NOL4: variants seen among roughly 807,000 people sequenced by gnomAD.
The protein encoded by NOL4 is nucleolar protein 4, also known as cancer/testis antigen 125.
NOL4 carries 17 observed loss-of-function variants against 75.9 expected under a neutral mutation model. The observed-to-expected ratio is 0.22, with a 90% CI of 0.15 to 0.34. NOL4 has a LOEUF of 0.34. Among genes scored for constraint, NOL4 ranks in the 10% least tolerant of loss-of-function variants. The probability of loss-of-function intolerance (pLI) is 1.00; values close to 1 mark genes in which losing one functional copy is unlikely to be tolerated. For synonymous variants in NOL4, 292 were observed against 289.9 expected (o/e 1.01, Z -0.07); for missense variants, 614 against 793.5 (o/e 0.77, Z 2.72).
chr18:33,918,057 T>C (rs776540462), intron 9 of NOL4, among the ~76,000 whole-genome samples: 14 of 152,232 alleles, frequency 9.2e-5, no homozygotes, highest in Non-Finnish European at 2.1e-4. Context: ...AAATTAAACG[T>C]ATCTTTGCTA....
chr18:34,088,622 G>A (rs144970475), intron 5 of NOL4, among the ~76,000 whole-genome samples: 3 of 152,090 alleles, frequency 2.0e-5, no homozygotes, highest in Non-Finnish European at 4.4e-5. Context: ...ACACCTTCAA[G>A]GTGTTTTGCT....
chr18:34,086,125 G>A (rs886478731), intron 5 of NOL4, among the ~76,000 whole-genome samples: 2 of 152,008 alleles, frequency 1.3e-5, no homozygotes, highest in African/African-American at 4.8e-5. Context: ...ATGTGAATTA[G>A]GTTTAATAAT....
At chr18:33,887,418 G>GTT (rs1318544518) in intron 9 of NOL4, among the ~76,000 whole-genome samples, 1 of 138,296 alleles carries the variant, frequency 7.2e-6, no homozygotes. Flanking sequence ...AAGAAGGTGA[G>GTT]TTTTTTTTTT....
In NOL4 at chr18:34,125,676, G is replaced by A. The variant is rs370311549; in HGVS notation, c.414+4195C>T. ...TTAATGTTCGGAGTAAGGCTGTAGA[G>A]ATTCTACATGAATATGTTACTATTC... On this transcript the variant is annotated intron_variant, in intron 2 of 10. Transcript: ENST00000261592. 4.6e-5 allele frequency among the ~76,000 whole-genome samples: 7 copies of A among 152,206 alleles called. No homozygotes were observed. In the East Asian group the frequency reaches 1.4e-3, roughly 29 times the overall value.
chr18:33,918,964 C>T (rs549587815), intron 9 of NOL4, among the ~76,000 whole-genome samples: 69 of 151,978 alleles, frequency 4.5e-4, no homozygotes, highest in African/African-American at 1.5e-3. Context: ...AGATTAGTAT[C>T]TATTAGTAAT....
intron 6 of NOL4, among the ~76,000 whole-genome samples, chr18:34,009,397 T>G (rs1448192574): frequency 1.3e-5 from 2 of 151,946 alleles, no homozygotes; most frequent in East Asian, 3.9e-4. Flanking sequence ...CAGTAAGAAT[T>G]TTTTAGGCTA....
At chr18:34,210,568 C>A (rs1252114537) in intron 1 of NOL4, among the ~76,000 whole-genome samples, 3 of 152,160 alleles carry the variant, frequency 2.0e-5, no homozygotes, top group Non-Finnish European at 4.4e-5. Flanking sequence ...TATGAGTGAG[C>A]CTGTCCATGC....
intron 5 of NOL4, among the ~76,000 whole-genome samples, chr18:34,028,662 A>C (rs536447244): frequency 6.6e-6 from 1 of 152,362 alleles, no homozygotes; most frequent in African/African-American, 2.4e-5. Context: ...GCCAATGACC[A>C]CATCAAAACC....
intron 1 of NOL4, among the ~76,000 whole-genome samples, chr18:34,214,591 AATT>A (rs1469435039): frequency 6.6e-6 from 1 of 152,120 alleles, no homozygotes; most frequent in Non-Finnish European, 1.5e-5. Context: ...TTTTGTTTCA[AATT>A]ATTATTATTA....
At chr18:33,869,919 T>C (rs2063613418) in intron 10 of NOL4, among the ~76,000 whole-genome samples, 1 of 152,094 alleles carries the variant, frequency 6.6e-6, no homozygotes, top group African/African-American at 2.4e-5. Flanking sequence ...CTAGACAGCA[T>C]AATTTCTTGT....
intron 10 of NOL4, among the ~76,000 whole-genome samples, chr18:33,882,325 C>G (rs1328844934): frequency 5.9e-5 from 9 of 152,026 alleles, no homozygotes; most frequent in Admixed American, 5.9e-4. Context: ...GGGCTAATAT[C>G]CAGAATCTAC....
intron 10 of NOL4, among the ~76,000 whole-genome samples, chr18:33,863,798 CCCAAATT>C (rs1418083024): frequency 6.6e-6 from 1 of 152,148 alleles, no homozygotes; most frequent in Non-Finnish European, 1.5e-5. Flanking sequence ...GGACTCCAAT[CCCAAATT>C]TCCCTTCCAC....
At chr18:33,869,180 A>G (rs2144452268) in intron 10 of NOL4, among the ~76,000 whole-genome samples, 1 of 152,040 alleles carries the variant, frequency 6.6e-6, no homozygotes, top group South Asian at 2.1e-4. Context: ...ATATTTATAT[A>G]GAATACTATA....
chr18:34,208,857 A>G (rs1359712828), intron 1 of NOL4, among the ~76,000 whole-genome samples: 1 of 151,632 alleles, frequency 6.6e-6, no homozygotes, highest in Non-Finnish European at 1.5e-5. Context: ...GCAAGACTCC[A>G]TCTCGAAAAA....
intron 1 of NOL4, among the ~76,000 whole-genome samples, chr18:34,168,255 CAATA>C (rs767244318): frequency 1.2e-4 from 18 of 151,516 alleles, no homozygotes; most frequent in Non-Finnish European, 2.2e-4. Context: ...TACAAAAAGA[CAATA>C]AAACTGCACA....
intron 1 of NOL4, among the ~76,000 whole-genome samples, chr18:34,191,829 A>G (rs2034940080): frequency 6.6e-6 from 1 of 152,140 alleles, no homozygotes; most frequent in African/African-American, 2.4e-5. Flanking sequence ...CCAATAGAGG[A>G]ATACAGGTTG....
At chr18:34,114,017 T>A (rs954074737) in intron 2 of NOL4, among the ~76,000 whole-genome samples, 2 of 152,230 alleles carry the variant, frequency 1.3e-5, no homozygotes, top group Non-Finnish European at 2.9e-5. Context: ...GTAATAGCAG[T>A]TGCAAATAAA....
chr18:33,953,416 G>A (rs1249549904), intron 8 of NOL4, among the ~76,000 whole-genome samples: 3 of 151,950 alleles, frequency 2.0e-5, no homozygotes, highest in African/African-American at 7.3e-5. Flanking sequence ...GTAGGGAGTT[G>A]AGTTAGGATT....
intron 5 of NOL4, among the ~76,000 whole-genome samples, chr18:34,083,701 T>A (rs914988117): frequency 6.6e-6 from 1 of 152,216 alleles, no homozygotes; most frequent in Non-Finnish European, 1.5e-5. Flanking sequence ...TATTTATGGC[T>A]GAGAGGTCTT....
Sources: allele counts gnomAD v4.1 joint callset (sites outside exome capture counted in the v4.1 genomes callset), GRCh38; gene constraint gnomAD v4.1.1; transcripts MANE v1.5; gene names NCBI Gene and HGNC (gene_info 2026-07-23, HGNC 2026-07-21).